The following DERPC variants were observed in gnomAD, a reference collection of about 807,000 sequenced individuals.
DERPC encodes the protein DERPC proline and glycine rich nuclear protein, also known as decreased expression in renal and prostate cancer protein.
DERPC carries 1 observed loss-of-function variant against 7.2 expected under a neutral mutation model. The ratio of observed to expected loss-of-function variants is 0.14; its 90% CI spans 0.05 to 0.66. DERPC has a LOEUF of 0.66. Among genes scored for constraint, DERPC ranks in the 30% least tolerant of loss-of-function variants. DERPC has a pLI of 0.84. For missense variants in DERPC, 502 were observed against 299.4 expected (o/e 1.68, Z -4.99); for synonymous variants, 185 against 117.6 (o/e 1.57, Z -3.71).
chr16:69,130,801 G>A (rs772305934), intron 1 of DERPC, among the ~76,000 whole-genome samples: 6 of 152,088 alleles, frequency 3.9e-5, no homozygotes, highest in Non-Finnish European at 7.4e-5. Context: ...TGTTTATAAC[G>A]GACTAAAGCA....
chr16:69,119,594 G>A lies in DERPC; in HGVS notation c.835C>T (p.Leu279=), dbSNP rs1329673587. The A allele has an allele frequency of 1.1e-5, 8 of 701,374 alleles. No individual in the cohort carries two copies. The highest frequency in any genetic ancestry group is 2.1e-5 in the Non-Finnish European group (8 of 384,110). 43.4% of individuals were successfully genotyped at this position (701,374 alleles called of 1,614,324 possible). A position where few individuals can be genotyped will look rare whatever the true frequency, so the allele number is the denominator to read the frequency against. ...GCTCCTAAAAGACCTGCTGCTCTTA[G>A]AATGGGGGCAAGATCGAGGCCTTGA... The part of the protein sequence containing the change: ...GPQGLDLAPI[L]RAAGLLGANS... Residue 279 remains leucine (L), a synonymous_variant, in exon 3 of 3, where the codon CTA becomes TTA. Coordinates refer to ENST00000519520, the MANE Select transcript of DERPC (RefSeq NM_001002847.4).
At chr16:69,121,731 G>A (rs1260477686) in intron 1 of DERPC, among the ~76,000 whole-genome samples, 10 of 149,410 alleles carry the variant, frequency 6.7e-5, no homozygotes, top group Non-Finnish European at 1.0e-4. Context: ...GCAATGGCAC[G>A]ATCTCAGCTC....
intron 1 of DERPC, among the ~76,000 whole-genome samples, chr16:69,122,863 G>A (rs144620957): frequency 0.018 from 2,703 of 151,762 alleles, 84 homozygotes; most frequent in African/African-American, 0.062. Flanking sequence ...ATTTTTAGTA[G>A]AGATGGGGTT....
chr16:69,128,420 T>A (rs1290356545), intron 1 of DERPC, among the ~76,000 whole-genome samples: 1 of 152,160 alleles, frequency 6.6e-6, no homozygotes, highest in African/African-American at 2.4e-5. Flanking sequence ...CTTGGAAAGA[T>A]AAGAAGGTAT....
intron 1 of DERPC, among the ~76,000 whole-genome samples, chr16:69,123,519 T>G (rs894716091): frequency 6.6e-6 from 1 of 151,906 alleles, no homozygotes; most frequent in African/African-American, 2.4e-5. Flanking sequence ...TAGCTGGGTG[T>G]GGTGGCAGGC....
At chr16:69,121,368 G>T in intron 2 of DERPC, 68 bp downstream of exon 2, 2 of 1,415,754 alleles carry the variant, frequency 1.4e-6, no homozygotes, top group Non-Finnish European at 9.8e-7. Context: ...GATTCTTCCA[G>T]ACACATGGCA....
In DERPC at chr16:69,125,877, A is replaced by G. The variant is rs1358446320; in HGVS notation, c.-279-4384T>C. 2.0e-5 allele frequency among the ~76,000 whole-genome samples: 3 copies of G among 152,230 alleles called. No individual in the cohort carries two copies. In the East Asian group the frequency reaches 5.8e-4, roughly 29 times the overall value. The stretch of plus-strand genomic sequence containing the variant: ...GACTATGACACCTAGATTATGTCCT[A>G]TGAAACTATTGCAAAGACCAAATAT... On this transcript the variant is annotated intron_variant, in intron 1 of 2. Coordinates refer to ENST00000519520, the MANE Select transcript of DERPC (RefSeq NM_001002847.4).
rs1567589539 is a variant in DERPC, at chr16:69,121,508, AAAG to A, written c.-279-18_-279-16del. 1.3e-6 allele frequency: 2 copies of A among 1,519,944 alleles called. No homozygotes were observed. The highest frequency in any genetic ancestry group is 9.0e-7 in the Non-Finnish European group (1 of 1,112,728). 94.2% of individuals were successfully genotyped at this position (1,519,944 alleles called of 1,614,324 possible). A position where few individuals can be genotyped will look rare whatever the true frequency, so the allele number is the denominator to read the frequency against. ...GTGAAAACAAGCTGTAGAGAGAAAAAAAGAGATTTAGGGTAATAACAACAACAA... is the reference window on the plus strand; with the variant it reads ...GTGAAAACAAGCTGTAGAGAGAAAAAAGATTTAGGGTAATAACAACAACAA... On this transcript the variant is annotated splice_polypyrimidine_tract_variant and intron_variant, in intron 1 of 2. Coordinates refer to ENST00000519520, the MANE Select transcript of DERPC (RefSeq NM_001002847.4).
intron 1 of DERPC, among the ~76,000 whole-genome samples, chr16:69,124,799 T>C (rs952783943): frequency 6.6e-6 from 1 of 152,152 alleles, no homozygotes; most frequent in African/African-American, 2.4e-5. Context: ...CTGTGCAAGC[T>C]TGAGATTTCT....
At chr16:69,122,788 C>A (rs140772885) in intron 1 of DERPC, among the ~76,000 whole-genome samples, 56 of 152,152 alleles carry the variant, frequency 3.7e-4, no homozygotes, top group Non-Finnish European at 3.7e-4. Flanking sequence ...GTTGGCCACC[C>A]ACTTTGGCCT....
intron 1 of DERPC, among the ~76,000 whole-genome samples, chr16:69,129,229 GATC>G (rs1962311779): frequency 6.6e-6 from 1 of 151,972 alleles, no homozygotes; most frequent in African/African-American, 2.4e-5. Flanking sequence ...AGGAGATCGA[GATC>G]ATCCTGGATA....
intron 2 of DERPC, 96 bp downstream of exon 2, chr16:69,121,340 G>T: frequency 1.6e-6 from 2 of 1,255,780 alleles, no homozygotes; most frequent in Non-Finnish European, 2.3e-6. Flanking sequence ...ATTTGTACAA[G>T]ATGCACCTAA....
intron 1 of DERPC, chr16:69,131,326 G>A (rs1807507020): frequency 6.6e-6 from 1 of 152,134 alleles, no homozygotes; most frequent in African/African-American, 2.4e-5. Context: ...TGGAAAAGAT[G>A]GCTTCAGTCG....
chr16:69,123,341 T>A, intron 1 of DERPC, among the ~76,000 whole-genome samples: 1 of 152,108 alleles, frequency 6.6e-6, no homozygotes, highest in East Asian at 1.9e-4. Flanking sequence ...GTTATCAAGG[T>A]TCAAAGGGTC....
In DERPC at chr16:69,119,517, G is replaced by A. The variant is rs1411575619; in HGVS notation, c.912C>T (p.Ser304=). 3 of 702,790 alleles carry A rather than the reference G, an allele frequency of 4.3e-6. No individual in the cohort carries two copies. Among genetic ancestry groups the A allele is most frequent in the Non-Finnish European group, 7.8e-6 (3 of 385,002 alleles). 43.5% of individuals were successfully genotyped at this position (702,790 alleles called of 1,614,324 possible). A position where few individuals can be genotyped will look rare whatever the true frequency, so the allele number is the denominator to read the frequency against. Residue 304 remains serine (S), a synonymous_variant, in exon 3 of 3, where the codon TCC becomes TCT. Transcript: ENST00000519520. ...TGGGGCCAGGTACTCTTGCCATGGAGGATGGGCTTGTGCCCATGTTTCCAG... is the reference window on the plus strand; with the variant it reads ...TGGGGCCAGGTACTCTTGCCATGGAAGATGGGCTTGTGCCCATGTTTCCAG... ...QASGNMGTSP[S]SMARVPGPMG...
chr16:69,118,519 T>C lies in DERPC; in HGVS notation c.*335A>G. On this transcript the variant is annotated 3_prime_UTR_variant, in exon 3 of 3. Coordinates refer to ENST00000519520, the MANE Select transcript of DERPC (RefSeq NM_001002847.4). Reference sequence around the variant, plus strand: ...ATGTGAACTGGGACCTGCAGGCCAATGTATCCCTGAGGAAAAGTCCACAAG... The same window carrying C: ...ATGTGAACTGGGACCTGCAGGCCAACGTATCCCTGAGGAAAAGTCCACAAG... 1 of 1,011,838 alleles carries C rather than the reference T, an allele frequency of 9.9e-7. No individual in the cohort carries two copies. The highest frequency in any genetic ancestry group is 1.6e-6 in the Non-Finnish European group (1 of 630,686). The allele number at this position is 1,011,838 out of a possible 1,614,324, so 62.7% of individuals were successfully genotyped here.
intron 1 of DERPC, among the ~76,000 whole-genome samples, chr16:69,124,016 C>T (rs1300495158): frequency 6.7e-6 from 1 of 150,196 alleles, no homozygotes; most frequent in Non-Finnish European, 1.5e-5. Flanking sequence ...AGGCATGAGA[C>T]TCAGTGGAAC....
chr16:69,130,366 C>G (rs555235984), intron 1 of DERPC, among the ~76,000 whole-genome samples: 78 of 152,106 alleles, frequency 5.1e-4, no homozygotes, highest in Non-Finnish European at 9.6e-4. Flanking sequence ...CTTAAACATT[C>G]TTTTCTAAAC....
chr16:69,129,308 T>C (rs1318184945), intron 1 of DERPC, among the ~76,000 whole-genome samples: 1 of 150,984 alleles, frequency 6.6e-6, no homozygotes, highest in African/African-American at 2.4e-5. Flanking sequence ...CAGGTGCCTG[T>C]AGTCCTAGCT....
Sources: allele counts gnomAD v4.1 joint callset (sites outside exome capture counted in the v4.1 genomes callset), GRCh38; gene constraint gnomAD v4.1.1; transcripts MANE v1.5; gene names NCBI Gene and HGNC (gene_info 2026-07-23, HGNC 2026-07-21).